Variants in GALNT2 observed in about 807,000 individuals in gnomAD.
GALNT2 encodes UDP-GalNAc:polypeptide N-acetylgalactosaminyltransferase 2.
A neutral mutation model predicts 81.4 loss-of-function variants in GALNT2; 31 were observed. The observed-to-expected ratio is 0.38, with a 90% CI of 0.29 to 0.51. GALNT2 has a LOEUF of 0.51. Ranked by LOEUF, GALNT2 falls within the 20% of genes least tolerant of loss-of-function variation. GALNT2 has a pLI of 0.87. For missense variants in GALNT2, 629 were observed against 765.7 expected, an observed-to-expected ratio of 0.82 and a Z score of 2.11; for synonymous variants, 303 against 287.4, an observed-to-expected ratio of 1.05 and a Z score of -0.55.
intron 1 of GALNT2, among the ~76,000 whole-genome samples, chr1:230,119,694 AC>A (rs932943987): frequency 3.3e-5 from 5 of 152,080 alleles, no homozygotes; most frequent in Non-Finnish European, 7.4e-5. Flanking sequence ...GAAAGATAAC[AC>A]CCATGTCAGT....
intron 1 of GALNT2, among the ~76,000 whole-genome samples, chr1:230,099,912 A>G (rs1254772528): frequency 6.6e-6 from 1 of 152,216 alleles, no homozygotes; most frequent in Non-Finnish European, 1.5e-5. Context: ...CCTGACTCTA[A>G]GGAACTGTTT....
At chr1:230,161,768 G>C (rs1216827311) in intron 1 of GALNT2, among the ~76,000 whole-genome samples, 1 of 152,136 alleles carries the variant, frequency 6.6e-6, no homozygotes, top group Non-Finnish European at 1.5e-5. Flanking sequence ...AGTTAATTGA[G>C]ACTATACATG....
At chr1:230,133,698 G>A (rs1480875203) in intron 1 of GALNT2, among the ~76,000 whole-genome samples, 4 of 152,062 alleles carry the variant, frequency 2.6e-5, no homozygotes, top group African/African-American at 9.7e-5. Context: ...CAGGTGATCC[G>A]CCTGTCTTGG....
intron 2 of GALNT2, among the ~76,000 whole-genome samples, chr1:230,198,670 G>A (rs1239228985): frequency 6.6e-6 from 1 of 152,162 alleles, no homozygotes. Context: ...GCATGGGGTC[G>A]CAGACAGGTG....
In GALNT2 at chr1:230,195,842, C is replaced by T. The variant is rs1399609126; in HGVS notation, c.221-7295C>T. 4.8e-5 allele frequency among the ~76,000 whole-genome samples: 7 copies of T among 144,918 alleles called. No individual in the cohort carries two copies. The East Asian group carries it at 8.3e-4, about 17-fold the overall frequency. On this transcript the variant is annotated intron_variant, in intron 2 of 15. Transcript: ENST00000366672. ...AGCCGGAGGTGAGCAGAGACCTGGA[C>T]GTGAGTTTGGGGCTTGCAGGGGCTG...
chr1:230,124,317 G>T (rs927075972), intron 1 of GALNT2, among the ~76,000 whole-genome samples: 1 of 152,222 alleles, frequency 6.6e-6, no homozygotes, highest in Non-Finnish European at 1.5e-5. Context: ...GTGTGCTGGT[G>T]TGTTGCAAAA....
At chr1:230,167,154 T>TG (rs890347620) in intron 1 of GALNT2, among the ~76,000 whole-genome samples, 6 of 151,400 alleles carry the variant, frequency 4.0e-5, no homozygotes, top group Admixed American at 6.6e-5. Context: ...TTTTTGGTGG[T>TG]GGGGGGTGAC....
intron 1 of GALNT2, among the ~76,000 whole-genome samples, chr1:230,072,370 G>GT (rs1659402043): frequency 2.0e-5 from 3 of 150,722 alleles, no homozygotes; most frequent in Admixed American, 1.3e-4. Flanking sequence ...GGCGGGGGTG[G>GT]CGGGGGGTGC....
intron 2 of GALNT2, among the ~76,000 whole-genome samples, chr1:230,195,539 GA>G (rs1183957371): frequency 6.6e-6 from 1 of 152,154 alleles, no homozygotes; most frequent in East Asian, 1.9e-4. Context: ...CAGCTGGCAG[GA>G]GGGGTAGACA....
intron 3 of GALNT2, among the ~76,000 whole-genome samples, chr1:230,235,438 T>TC (rs1664997699): frequency 6.6e-6 from 1 of 152,036 alleles, no homozygotes; most frequent in Non-Finnish European, 1.5e-5. Context: ...TCACTCCATC[T>TC]CCCCATCTTC....
At chr1:230,137,053 A>ATTC (rs1429037593) in intron 1 of GALNT2, among the ~76,000 whole-genome samples, 1 of 152,176 alleles carries the variant, frequency 6.6e-6, no homozygotes, top group Admixed American at 6.5e-5. Context: ...CAAAAGGCTG[A>ATTC]TTCTTTCCTG....
intron 1 of GALNT2, among the ~76,000 whole-genome samples, chr1:230,085,690 C>T (rs753240046): frequency 8.5e-5 from 13 of 152,168 alleles, no homozygotes; most frequent in East Asian, 1.9e-4. Context: ...GGTTGAAGTC[C>T]GGGGCAGTCT....
At position 230,178,202 on chromosome 1, in the gene GALNT2, G is replaced by A; in HGVS notation, c.127-16G>A. 6.3e-7 allele frequency: 1 copy of A among 1,596,132 alleles called. No individual in the cohort carries two copies. Among genetic ancestry groups the A allele is most frequent in the Non-Finnish European group, 8.6e-7 (1 of 1,164,288 alleles). On this transcript the variant is annotated splice_polypyrimidine_tract_variant and intron_variant, in intron 1 of 15. Coordinates refer to ENST00000366672, the MANE Select transcript of GALNT2 (RefSeq NM_004481.5). ...TGAAGAACAAGTCAACTCATTCAGT[G>A]TCTTTGTTCCCCTAGGAGGACTGGA...
At chr1:230,117,670 G>C (rs980055515) in intron 1 of GALNT2, among the ~76,000 whole-genome samples, 2 of 152,164 alleles carry the variant, frequency 1.3e-5, no homozygotes, top group African/African-American at 4.8e-5. Flanking sequence ...TATGGTTCAT[G>C]GTGCTCCAAA....
intron 1 of GALNT2, among the ~76,000 whole-genome samples, chr1:230,075,948 T>C (rs1659541244): frequency 6.6e-6 from 1 of 152,174 alleles, no homozygotes; most frequent in Admixed American, 6.5e-5. Flanking sequence ...CGGTGATCTC[T>C]CTACTCCTTG....
At chr1:230,090,383 T>G (rs1660034967) in intron 1 of GALNT2, among the ~76,000 whole-genome samples, 1 of 152,156 alleles carries the variant, frequency 6.6e-6, no homozygotes, top group Non-Finnish European at 1.5e-5. Context: ...GTGGGTGATA[T>G]GAAGCATTGC....
At chr1:230,086,565 TAA>T (rs1373378581) in intron 1 of GALNT2, among the ~76,000 whole-genome samples, 21 of 152,216 alleles carry the variant, frequency 1.4e-4, no homozygotes, top group Non-Finnish European at 2.6e-4. Flanking sequence ...AAAACAGCTG[TAA>T]AGTGAGCAGT....
chr1:230,169,936 A>G (rs1041843608), intron 1 of GALNT2, among the ~76,000 whole-genome samples: 1 of 152,228 alleles, frequency 6.6e-6, no homozygotes, highest in Admixed American at 6.5e-5. Context: ...AAATGCATGG[A>G]TGAAGCCAGT....
intron 7 of GALNT2, among the ~76,000 whole-genome samples, chr1:230,245,856 C>T (rs1572132733): frequency 3.3e-5 from 5 of 152,292 alleles, no homozygotes; most frequent in Admixed American, 3.3e-4. Flanking sequence ...CCCTGCCTCC[C>T]AGCAGGCCAC....
Sources: allele counts gnomAD v4.1 joint callset (sites outside exome capture counted in the v4.1 genomes callset), GRCh38; gene constraint gnomAD v4.1.1; transcripts MANE v1.5; gene names NCBI Gene and HGNC (gene_info 2026-07-23, HGNC 2026-07-21).